The following SMARCAD1 variants were observed in gnomAD, a reference collection of about 807,000 sequenced individuals.
The protein encoded by SMARCAD1 is SNF2 related chromatin remodeling ATPase with DExD box 1, also known as SWI/SNF-related matrix-associated actin-dependent regulator of chromatin subfamily A containing DEAD/H box 1.
In SMARCAD1, 25 loss-of-function variants were observed where a neutral mutation model predicts 127.1. That is an observed-to-expected ratio of 0.20 (90% CI 0.14 to 0.27). SMARCAD1 has a LOEUF of 0.27. Ranked by LOEUF, SMARCAD1 falls within the 10% of genes least tolerant of loss-of-function variation. The pLI is 1.00. For missense variants in SMARCAD1, 807 were observed against 1,206.0 expected (o/e 0.67, Z 4.90); for synonymous variants, 400 against 396.9 (o/e 1.01, Z -0.09).
intron 2 of SMARCAD1, 103 bp downstream of exon 2, chr4:94,208,687 G>A: frequency 9.0e-7 from 1 of 1,115,780 alleles, no homozygotes; most frequent in Admixed American, 2.0e-5. Context: ...ATATATTGAT[G>A]CATTGTCCTG....
At chr4:94,240,864 T>G in intron 5 of SMARCAD1, 42 bp from the exon 6 acceptor site, 1 of 1,468,584 alleles carries the variant, frequency 6.8e-7, no homozygotes, top group Non-Finnish European at 9.5e-7. Flanking sequence ...GATTTTTTGC[T>G]ATTTCTGTGC....
intron 3 of SMARCAD1, among the ~76,000 whole-genome samples, chr4:94,228,343 C>T (rs1273525450): frequency 6.6e-6 from 1 of 152,170 alleles, no homozygotes; most frequent in African/African-American, 2.4e-5. Context: ...TCTTCGTAAA[C>T]AGCAATTACA....
intron 20 of SMARCAD1, 54 bp from the exon 21 acceptor site, chr4:94,281,418 T>C (rs1476841080): frequency 2.5e-6 from 3 of 1,215,596 alleles, no homozygotes; most frequent in Non-Finnish European, 3.7e-6. Context: ...CTGTCAAGGC[T>C]TTGAGTAGTA....
chr4:94,238,323 C>G (rs963329459), intron 5 of SMARCAD1, among the ~76,000 whole-genome samples: 1 of 152,130 alleles, frequency 6.6e-6, no homozygotes, highest in African/African-American at 2.4e-5. Flanking sequence ...CTTGACTCTT[C>G]TGTCTTTGTT....
At chr4:94,234,650 A>C (rs1053193516) in intron 4 of SMARCAD1, among the ~76,000 whole-genome samples, 3 of 152,238 alleles carry the variant, frequency 2.0e-5, no homozygotes, top group Non-Finnish European at 1.5e-5. Flanking sequence ...TTATAAGAGT[A>C]AATAAAAATT....
Position 94,280,598 on chromosome 4 carries a change from A to G in SMARCAD1, c.2425A>G (p.Thr809Ala). 1 of 1,613,350 alleles carries G rather than the reference A, an allele frequency of 6.2e-7. No individual in the cohort carries two copies. Among genetic ancestry groups the G allele is most frequent in the Non-Finnish European group, 8.5e-7 (1 of 1,179,682 alleles). The change falls in exon 20 of 24, where the codon ACA (threonine) becomes GCA (alanine). Residue 809 changes from threonine (T) to alanine (A), a missense_variant. Physicochemically the swap from Thr to Ala is moderately conservative, Grantham distance 58 (BLOSUM62 0). Around this residue, in one of 8 missense-constraint regions of SMARCAD1, gnomAD observed 99 missense variants for 126.0 expected, o/e 0.79. Transcript: ENST00000354268. ...TGTTTTGTTTTGTTTTAAGGAACCT[A>G]CACATTGTGAGGCTAACCCTGACCT... Reference protein sequence around the residue: ...EMSQLMLKEPTHCEANPDLIF... With the variant: ...EMSQLMLKEPAHCEANPDLIF...
intron 10 of SMARCAD1, among the ~76,000 whole-genome samples, chr4:94,265,493 T>TCA (rs1751601165): frequency 6.6e-6 from 1 of 151,848 alleles, no homozygotes; most frequent in Admixed American, 6.6e-5. Flanking sequence ...AATAAAATAC[T>TCA]TGTCAGAATT....
At chr4:94,248,238 T>C (rs996351907) in intron 6 of SMARCAD1, among the ~76,000 whole-genome samples, 11 of 152,256 alleles carry the variant, frequency 7.2e-5, no homozygotes, top group African/African-American at 2.7e-4. Flanking sequence ...ACAATGTTCA[T>C]TCATGTTGTG....
chr4:94,231,091 A>G (rs781133669), intron 3 of SMARCAD1, among the ~76,000 whole-genome samples: 16 of 152,196 alleles, frequency 1.1e-4, no homozygotes, highest in Non-Finnish European at 1.8e-4. Context: ...AAAAACAATA[A>G]GTTTGAGAAC....
At chr4:94,271,038 TA>T (rs2125977524) in intron 11 of SMARCAD1, among the ~76,000 whole-genome samples, 1 of 152,302 alleles carries the variant, frequency 6.6e-6, no homozygotes, top group South Asian at 2.1e-4. Context: ...ATTATCAGAT[TA>T]GTAAATACAT....
chr4:94,233,047 T>A (rs1193846638), intron 3 of SMARCAD1, among the ~76,000 whole-genome samples: 1 of 152,224 alleles, frequency 6.6e-6, no homozygotes, highest in African/African-American at 2.4e-5. Flanking sequence ...AGGCATCACA[T>A]GTTGTGCCAT....
chr4:94,273,973 T>TA (rs1465635481), intron 12 of SMARCAD1, among the ~76,000 whole-genome samples: 1 of 152,230 alleles, frequency 6.6e-6, no homozygotes, highest in Non-Finnish European at 1.5e-5. Flanking sequence ...GTTGGTTTCA[T>TA]AATACTTTTA....
intron 19 of SMARCAD1, among the ~76,000 whole-genome samples, chr4:94,279,254 C>G (rs1753689763): frequency 6.6e-6 from 1 of 152,168 alleles, no homozygotes; most frequent in Non-Finnish European, 1.5e-5. Context: ...TTAAGCCATC[C>G]TCCTGCGTTG....
chr4:94,247,208 T>C (rs552900277), intron 6 of SMARCAD1, among the ~76,000 whole-genome samples: 5 of 152,318 alleles, frequency 3.3e-5, no homozygotes, highest in East Asian at 3.9e-4. Context: ...GGAACTGATA[T>C]AGTATGGGAT....
At chr4:94,253,210 T>G (rs1749540618) in intron 9 of SMARCAD1, 17 of 1,508,580 alleles carry the variant, frequency 1.1e-5, no homozygotes, top group East Asian at 2.5e-5. Flanking sequence ...AGGGGTGATT[T>G]TCCTGAAAAA....
At chr4:94,217,927 A>G (rs75688865) in intron 2 of SMARCAD1, among the ~76,000 whole-genome samples, 4,284 of 152,278 alleles carry the variant, frequency 0.028, 184 homozygotes, top group African/African-American at 0.098. Context: ...TACACTTGCA[A>G]ATCTAACAAT....
intron 2 of SMARCAD1, among the ~76,000 whole-genome samples, chr4:94,224,880 A>G (rs1409856284): frequency 6.6e-6 from 1 of 152,182 alleles, no homozygotes; most frequent in East Asian, 1.9e-4. Context: ...TGAAGACTTG[A>G]TAATGACCTA....
At chr4:94,247,717 A>G (rs967330702) in intron 6 of SMARCAD1, among the ~76,000 whole-genome samples, 11 of 152,190 alleles carry the variant, frequency 7.2e-5, no homozygotes, top group African/African-American at 2.4e-4. Flanking sequence ...GCAACCGCCA[A>G]TCTGCCTTCA....
At chr4:94,259,172 G>A (rs1750576872) in intron 9 of SMARCAD1, among the ~76,000 whole-genome samples, 1 of 152,298 alleles carries the variant, frequency 6.6e-6, no homozygotes, top group South Asian at 2.1e-4. Context: ...CTTCCTGCCG[G>A]TAGAAGGGTC....
Sources: gnomAD v4.1 joint callset for allele counts (sites outside exome capture counted in the v4.1 genomes callset) on GRCh38, gnomAD v4.1.1 for gene constraint, gnomAD v4.1.1 regional missense constraint, MANE v1.5 for transcripts, NCBI Gene and HGNC (gene_info 2026-07-23, HGNC 2026-07-21) for gene names.